Variants in CACNA2D3 observed in about 807,000 individuals in gnomAD.
CACNA2D3 encodes the protein calcium voltage-gated channel auxiliary subunit alpha2delta 3, also known as voltage-dependent calcium channel subunit alpha-2/delta-3.
Under a neutral mutation model 160.6 loss-of-function variants are expected in CACNA2D3, and 60 were observed. The ratio of observed to expected loss-of-function variants is 0.37; its 90% CI spans 0.30 to 0.46. The LOEUF (loss-of-function observed/expected upper bound fraction) is 0.46. Ranked by LOEUF, CACNA2D3 falls within the 20% of genes least tolerant of loss-of-function variation. The probability of loss-of-function intolerance (pLI) is 1.00; values close to 1 mark genes in which losing one functional copy is unlikely to be tolerated. For synonymous variants in CACNA2D3, 558 were observed against 492.9 expected (o/e 1.13, Z -1.75); for missense variants, 1,205 against 1,365.0 (o/e 0.88, Z 1.85).
At chr3:54,541,078 C>G (rs966453027) in intron 5 of CACNA2D3, among the ~76,000 whole-genome samples, 1 of 151,822 alleles carries the variant, frequency 6.6e-6, no homozygotes, top group Non-Finnish European at 1.5e-5. Flanking sequence ...GATATTGAGA[C>G]CATCCTGGCT....
At chr3:54,435,197 A>G (rs1700042524) in intron 4 of CACNA2D3, among the ~76,000 whole-genome samples, 1 of 152,182 alleles carries the variant, frequency 6.6e-6, no homozygotes, top group African/African-American at 2.4e-5. Context: ...ACAACCAGTC[A>G]GCACTCCACT....
chr3:55,014,727 G>A (rs1703291546), intron 34 of CACNA2D3, among the ~76,000 whole-genome samples: 1 of 152,156 alleles, frequency 6.6e-6, no homozygotes, highest in Admixed American at 6.5e-5. Context: ...GTGAGACTCT[G>A]TCTCCAACAG....
At chr3:54,712,311 G>T (rs1700966526) in intron 11 of CACNA2D3, among the ~76,000 whole-genome samples, 1 of 152,164 alleles carries the variant, frequency 6.6e-6, no homozygotes, top group African/African-American at 2.4e-5. Flanking sequence ...GGTGTCAGCT[G>T]AACTGTATTC....
intron 11 of CACNA2D3, among the ~76,000 whole-genome samples, chr3:54,662,711 A>C (rs1351224904): frequency 6.6e-6 from 1 of 152,198 alleles, no homozygotes; most frequent in Non-Finnish European, 1.5e-5. Flanking sequence ...AGGGCTGTTC[A>C]GGTCCACCTG....
At chr3:54,871,220 CACA>C (rs1559611416) in intron 17 of CACNA2D3, among the ~76,000 whole-genome samples, 8 of 68,612 alleles carry the variant, frequency 1.2e-4, no homozygotes, top group Non-Finnish European at 1.7e-4. Flanking sequence ...CACACACACA[CACA>C]CCCCCCATTC....
rs139414290 is a variant in CACNA2D3, at chr3:54,699,738, A to G, written c.1168-52861A>G. On this transcript the variant is annotated intron_variant, in intron 11 of 37. Coordinates refer to ENST00000474759, the MANE Select transcript of CACNA2D3 (RefSeq NM_018398.3). ...CACTCTATGCCTCCGTTTGTAGCCTATATAAAATGAGGATAGTAATATTGA... is the reference window on the plus strand; with the variant it reads ...CACTCTATGCCTCCGTTTGTAGCCTGTATAAAATGAGGATAGTAATATTGA... 1.7e-4 allele frequency among the ~76,000 whole-genome samples: 26 copies of G among 152,304 alleles called. No homozygotes were observed. The East Asian group carries it at 4.3e-3, about 25-fold the overall frequency.
chr3:54,416,369 T>C (rs1262762685), intron 4 of CACNA2D3, among the ~76,000 whole-genome samples: 1 of 152,158 alleles, frequency 6.6e-6, no homozygotes. Flanking sequence ...AGGATTCTTT[T>C]TGTCCCTTTT....
At chr3:54,288,986 A>C (rs1703111454) in intron 2 of CACNA2D3, among the ~76,000 whole-genome samples, 1 of 152,174 alleles carries the variant, frequency 6.6e-6, no homozygotes, top group South Asian at 2.1e-4. Flanking sequence ...AAAAACTGGA[A>C]GCATTCCCTT....
intron 2 of CACNA2D3, among the ~76,000 whole-genome samples, chr3:54,123,890 T>C (rs1031461872): frequency 6.6e-6 from 1 of 152,148 alleles, no homozygotes; most frequent in Non-Finnish European, 1.5e-5. Context: ...GTATTGCTGT[T>C]TCAGTGCCAG....
At chr3:54,755,538 G>A (rs933790121) in intron 12 of CACNA2D3, among the ~76,000 whole-genome samples, 1 of 152,132 alleles carries the variant, frequency 6.6e-6, no homozygotes, top group African/African-American at 2.4e-5. Context: ...CTGCAATTGT[G>A]TTTCGTTCAT....
intron 8 of CACNA2D3, among the ~76,000 whole-genome samples, chr3:54,571,658 TGG>T (rs1305777990): frequency 1.5e-5 from 2 of 133,112 alleles, no homozygotes; most frequent in African/African-American, 5.6e-5. Context: ...TGTGTGTGTG[TGG>T]TGGACACTTA....
rs1213981929 is a variant in CACNA2D3 at position 54,301,024 on chromosome 3, T to TA, written c.205-19405dup. ...TGGCAGAGTGAGAACTGTGTCCCTT[T>TA]AAAAAAAAAAAAAGAAAAAATAAAG... is the stretch of plus-strand genomic sequence containing the variant. On this transcript the variant is annotated intron_variant, in intron 2 of 37. Coordinates refer to ENST00000474759, the MANE Select transcript of CACNA2D3 (RefSeq NM_018398.3). Among the ~76,000 whole-genome samples, 741 of 140,038 alleles carry TA rather than the reference T, an allele frequency of 5.3e-3. 8 individuals carry two copies. Among genetic ancestry groups the TA allele is most frequent in the African/African-American group, 0.016 (600 of 37,690 alleles). 91.9% of individuals were successfully genotyped at this position (140,038 alleles called of 152,430 possible). A position where few individuals can be genotyped will look rare whatever the true frequency, so the allele number is the denominator to read the frequency against.
At chr3:54,687,266 G>A (rs1700481721) in intron 11 of CACNA2D3, among the ~76,000 whole-genome samples, 3 of 149,520 alleles carry the variant, frequency 2.0e-5, no homozygotes, top group Admixed American at 1.3e-4. Context: ...TCAGCCTCCC[G>A]AGTAGCTGGG....
At chr3:54,207,579 A>G (rs976652038) in intron 2 of CACNA2D3, among the ~76,000 whole-genome samples, 2 of 152,146 alleles carry the variant, frequency 1.3e-5, no homozygotes, top group African/African-American at 4.8e-5. Flanking sequence ...GGATGAATGG[A>G]TGTTGGTGTA....
chr3:54,530,704 A>G (rs1401854536), intron 5 of CACNA2D3, among the ~76,000 whole-genome samples: 2 of 152,202 alleles, frequency 1.3e-5, no homozygotes, highest in Non-Finnish European at 2.9e-5. Flanking sequence ...CCCTCATTTT[A>G]TAAATGAAGA....
At chr3:54,888,686 C>T (rs550782538) in intron 24 of CACNA2D3, among the ~76,000 whole-genome samples, 14 of 152,174 alleles carry the variant, frequency 9.2e-5, no homozygotes, top group African/African-American at 3.4e-4. Context: ...TCTGTTCTTC[C>T]TTAGTTCATT....
chr3:54,280,242 C>T (rs913009290), intron 2 of CACNA2D3, among the ~76,000 whole-genome samples: 17 of 152,136 alleles, frequency 1.1e-4, no homozygotes, highest in African/African-American at 3.6e-4. Context: ...CCACCACGCC[C>T]AGCTAATTTT....
intron 35 of CACNA2D3, among the ~76,000 whole-genome samples, chr3:55,054,717 G>A (rs189551000): frequency 1.3e-3 from 197 of 151,958 alleles, no homozygotes; most frequent in African/African-American, 4.4e-3. Context: ...TTTACTATGT[G>A]ACACAATTAC....
rs188367726 is a variant in CACNA2D3 at position 54,626,316 on chromosome 3, G to A, written c.964-1471G>A. 3.3e-5 allele frequency: 51 copies of A among 1,551,264 alleles called. No individual in the cohort carries two copies. The African/African-American group carries it at 5.7e-4, about 17-fold the overall frequency. On this transcript the variant is annotated intron_variant, in intron 9 of 37. Transcript: ENST00000474759. ...ACATGTCCTACAAGCGGCTGATGCC[G>A]CTGTACAGTGCGCGCCAGCAGCGGC... is the stretch of plus-strand genomic sequence containing the variant.
Sources: allele counts gnomAD v4.1 joint callset (sites outside exome capture counted in the v4.1 genomes callset), GRCh38; gene constraint gnomAD v4.1.1; transcripts MANE v1.5; gene names NCBI Gene and HGNC (gene_info 2026-07-23, HGNC 2026-07-21).